Variants in MAP4K3 observed in about 807,000 individuals in gnomAD.
MAP4K3 encodes the protein mitogen-activated protein kinase kinase kinase kinase 3, also known as MAPK/ERK kinase kinase kinase 3.
A neutral mutation model predicts 143.5 loss-of-function variants in MAP4K3; 94 were observed. The ratio of observed to expected loss-of-function variants is 0.65; its 90% confidence interval spans 0.55 to 0.78. The LOEUF is 0.78. Among genes scored for constraint, MAP4K3 ranks in the 30% least tolerant of loss-of-function variants. MAP4K3 has a pLI of 0.00. For missense variants in MAP4K3, 1,077 were observed against 1,068.1 expected, an observed-to-expected ratio of 1.01 and a Z score of -0.12; for synonymous variants, 416 against 347.2, an observed-to-expected ratio of 1.20 and a Z score of -2.20.
In MAP4K3 at chr2:39,271,977, G is replaced by A. The variant is rs140214572; in HGVS notation, c.1973+306C>T. On this transcript the variant is annotated intron_variant, in intron 26 of 33. Coordinates refer to ENST00000263881, the MANE Select transcript of MAP4K3 (RefSeq NM_003618.4). ...AAAATTTTATAAAGTTAACACATAT[G>A]TCAAAAGCAAAGGCACTAAATGCAA... 2.4e-5 allele frequency: 5 copies of A among 206,444 alleles called. No homozygotes were observed. The East Asian group carries it at 4.9e-4, about 20-fold the overall frequency. 12.8% of individuals were successfully genotyped at this position (206,444 alleles called of 1,614,324 possible). A position where few individuals can be genotyped will look rare whatever the true frequency, so the allele number is the denominator to read the frequency against.
At chr2:39,349,614 G>A (rs1185117145) in intron 3 of MAP4K3, among the ~76,000 whole-genome samples, 5 of 152,082 alleles carry the variant, frequency 3.3e-5, no homozygotes, top group African/African-American at 7.2e-5. Context: ...GTGAGAAGGC[G>A]GTTGGAGAGA....
chr2:39,312,014 T>C (rs530081279), intron 13 of MAP4K3, among the ~76,000 whole-genome samples: 67 of 152,214 alleles, frequency 4.4e-4, no homozygotes, highest in African/African-American at 1.5e-3. Flanking sequence ...CAAATACAAA[T>C]TAATATTGAC....
At chr2:39,314,402 G>T (rs1483924088) in intron 13 of MAP4K3, among the ~76,000 whole-genome samples, 1 of 152,172 alleles carries the variant, frequency 6.6e-6, no homozygotes, top group South Asian at 2.1e-4. Context: ...TAAAATATGA[G>T]AAATGCTCTC....
At chr2:39,436,411 T>C (rs545576046) in intron 1 of MAP4K3, among the ~76,000 whole-genome samples, 35 of 151,464 alleles carry the variant, frequency 2.3e-4, no homozygotes, top group African/African-American at 7.3e-4. Flanking sequence ...CGATGGAAGA[T>C]GGAGGTCGCT....
Position 39,258,547 on chromosome 2 carries a change from C to T in MAP4K3, c.2349G>A (p.Glu783=). 1 of 1,613,808 alleles carries T rather than the reference C, an allele frequency of 6.2e-7. No individual in the cohort carries two copies. The highest frequency in any genetic ancestry group is 1.3e-5 in the African/African-American group (1 of 75,052). Residue 783 remains glutamate (E), a synonymous_variant, in exon 30 of 34, where the codon GAG becomes GAA. Transcript: ENST00000263881. ...QTNVTHVTQL[E]RDTILVCLDC... ...CCAAGCATACAAGGATGGTATCTCT[C>T]TCCAGTTGGGTTACATGAGTAACAT...
At chr2:39,404,141 C>G (rs1405827162) in intron 1 of MAP4K3, among the ~76,000 whole-genome samples, 1 of 152,028 alleles carries the variant, frequency 6.6e-6, no homozygotes, top group East Asian at 1.9e-4. Context: ...AAGTGAAAAC[C>G]AGCGCATGCC....
chr2:39,343,472 A>C lies in MAP4K3; in HGVS notation c.246-20T>G, dbSNP rs1255449598. The C allele has an allele frequency of 6.2e-7, 1 of 1,603,392 alleles. No individual in the cohort carries two copies. Among genetic ancestry groups the C allele is most frequent in the African/African-American group, 1.3e-5 (1 of 74,696 alleles). On this transcript the variant is annotated intron_variant, in intron 3 of 33. Transcript: ENST00000263881. ...TCTCGCCTATAAAGAGAAAAGAAGC[A>C]TGTATCATATTTTCATGATTAAAAC...
chr2:39,342,169 C>T (rs1285381920), intron 4 of MAP4K3, among the ~76,000 whole-genome samples: 3 of 151,030 alleles, frequency 2.0e-5, no homozygotes, highest in Non-Finnish European at 4.4e-5. Flanking sequence ...GACAGAGTCT[C>T]GTTCTGTTGC....
chr2:39,256,145 T>A (rs971949982), intron 31 of MAP4K3, among the ~76,000 whole-genome samples: 2 of 152,248 alleles, frequency 1.3e-5, no homozygotes, highest in Non-Finnish European at 2.9e-5. Context: ...AAAGCTATTC[T>A]TTGGTGTTAC....
rs1284662509 is a variant in MAP4K3, at chr2:39,426,913, GGT to G, written c.96+9977_96+9978del. 4.6e-5 allele frequency among the ~76,000 whole-genome samples: 7 copies of G among 151,946 alleles called. No homozygotes were observed. In the East Asian group the frequency reaches 1.2e-3, roughly 25 times the overall value. On this transcript the variant is annotated intron_variant, in intron 1 of 33. Coordinates refer to ENST00000263881, the MANE Select transcript of MAP4K3 (RefSeq NM_003618.4). Reference sequence around the variant, plus strand: ...AACAAGAAAGAGATAGGGGAAGAAAGGTATCAAAGATATTGCAGTTTACAATT... The same window carrying G: ...AACAAGAAAGAGATAGGGGAAGAAAGATCAAAGATATTGCAGTTTACAATT...
Position 39,273,122 on chromosome 2 carries a change from C to T in MAP4K3, c.1795-580G>A, listed in dbSNP as rs898144593. Among the ~76,000 whole-genome samples the T allele has an allele frequency of 1.1e-4, 17 of 152,030 alleles. 1 individual carries two copies. The highest frequency in any genetic ancestry group is 1.2e-4 in the Non-Finnish European group (8 of 68,010). On this transcript the variant is annotated intron_variant, in intron 24 of 33. Coordinates refer to ENST00000263881, the MANE Select transcript of MAP4K3 (RefSeq NM_003618.4). ...GTACCATAAGAACTGAGAGGCATCTCTGGAAGCCTGAAAGTGGTCACAACT... is the reference window on the plus strand; with the variant it reads ...GTACCATAAGAACTGAGAGGCATCTTTGGAAGCCTGAAAGTGGTCACAACT...
chr2:39,319,079 G>C (rs1451550177), intron 12 of MAP4K3, among the ~76,000 whole-genome samples: 1 of 152,108 alleles, frequency 6.6e-6, no homozygotes, highest in Non-Finnish European at 1.5e-5. Flanking sequence ...GCACAGGGCA[G>C]CCCTCCCAAA....
At chr2:39,407,599 T>C (rs539313007) in intron 1 of MAP4K3, among the ~76,000 whole-genome samples, 1 of 152,156 alleles carries the variant, frequency 6.6e-6, no homozygotes, top group Non-Finnish European at 1.5e-5. Flanking sequence ...AGAGACAGGA[T>C]CTCACTCTAT....
chr2:39,385,577 TATATATATATA>T, intron 1 of MAP4K3, among the ~76,000 whole-genome samples: 1 of 133,966 alleles, frequency 7.5e-6, no homozygotes, highest in Non-Finnish European at 1.6e-5. Context: ...TATATATATA[TATATATATATA>T]TATATTCTAT....
Position 39,437,016 on chromosome 2 carries a change from T to A in MAP4K3, c.-29A>T, listed in dbSNP as rs750879182. The A allele has an allele frequency of 6.0e-5, 95 of 1,588,470 alleles. 2 individuals are homozygous for A. Among genetic ancestry groups the A allele is most frequent in the Non-Finnish European group, 3.4e-6 (4 of 1,162,890 alleles). ...GGGCCCCAGGTGCCCCCCGCCTCCC[T>A]CCCGGGCAGGGGAGGGGGGCCGCTC... On this transcript the variant is annotated 5_prime_UTR_variant, in exon 1 of 34. Coordinates refer to ENST00000263881, the MANE Select transcript of MAP4K3 (RefSeq NM_003618.4).
At chr2:39,379,221 C>G (rs1325398568) in intron 1 of MAP4K3, among the ~76,000 whole-genome samples, 3 of 151,738 alleles carry the variant, frequency 2.0e-5, no homozygotes, top group African/African-American at 7.3e-5. Context: ...AAATACCAGC[C>G]AAAGATCTAA....
chr2:39,266,482 T>C (rs1378371532), intron 27 of MAP4K3, among the ~76,000 whole-genome samples: 1 of 152,224 alleles, frequency 6.6e-6, no homozygotes, highest in Non-Finnish European at 1.5e-5. Context: ...GCATTTATTA[T>C]GTAACCTTTA....
chr2:39,354,902 T>C (rs151137703), intron 3 of MAP4K3, among the ~76,000 whole-genome samples: 1,544 of 152,274 alleles, frequency 0.01, 81 homozygotes, highest in Admixed American at 0.087. Context: ...AGTTACAGTA[T>C]GTTGGATGTT....
At chr2:39,358,667 C>T (rs1265077045) in intron 2 of MAP4K3, among the ~76,000 whole-genome samples, 2 of 151,692 alleles carry the variant, frequency 1.3e-5, no homozygotes, top group Non-Finnish European at 2.9e-5. Flanking sequence ...TCCACATACT[C>T]GATTTTTAAA....
Sources: gnomAD v4.1 joint callset for allele counts (sites outside exome capture counted in the v4.1 genomes callset) on GRCh38, gnomAD v4.1.1 for gene constraint, MANE v1.5 for transcripts, NCBI Gene and HGNC (gene_info 2026-07-23, HGNC 2026-07-21) for gene names.